The following IMMP2L variants were observed in gnomAD, a reference collection of about 807,000 sequenced individuals.
IMMP2L encodes the protein mitochondrial inner membrane protease subunit 2.
Under a neutral mutation model 19.3 loss-of-function variants are expected in IMMP2L, and 18 were observed. The observed-to-expected ratio is 0.93, with a 90% confidence interval of 0.64 to 1.38. The LOEUF is 1.38. Ranked by LOEUF, IMMP2L falls within the 40% of genes most tolerant of loss-of-function variation. The probability of loss-of-function intolerance (pLI) is 0.00; values close to 1 mark genes in which losing one functional copy is unlikely to be tolerated. For synonymous variants in IMMP2L, 76 were observed against 73.0 expected (o/e 1.04, Z -0.21); for missense variants, 233 against 218.2 (o/e 1.07, Z -0.43).
chr7:111,263,230 A>C (rs1244299593), intron 3 of IMMP2L, among the ~76,000 whole-genome samples: 2 of 152,144 alleles, frequency 1.3e-5, no homozygotes, highest in East Asian at 1.9e-4. Context: ...CTAGTTAGGA[A>C]GCTGTAATAA....
At chr7:111,217,218 T>C (rs538051712) in intron 3 of IMMP2L, among the ~76,000 whole-genome samples, 14 of 152,120 alleles carry the variant, frequency 9.2e-5, no homozygotes, top group African/African-American at 2.9e-4. Context: ...TTCTGCAATC[T>C]GTAGTAATTC....
chr7:111,298,382 T>C (rs1360595469), intron 3 of IMMP2L, among the ~76,000 whole-genome samples: 4 of 152,228 alleles, frequency 2.6e-5, no homozygotes, highest in African/African-American at 9.6e-5. Context: ...ATCCGATAAA[T>C]TAATGTTGCT....
At chr7:110,812,768 T>C (rs550988050) in intron 5 of IMMP2L, among the ~76,000 whole-genome samples, 18 of 152,156 alleles carry the variant, frequency 1.2e-4, no homozygotes, top group African/African-American at 4.3e-4. Context: ...TGAGATCTTA[T>C]TGTTTGCAAA....
intron 3 of IMMP2L, among the ~76,000 whole-genome samples, chr7:111,081,687 T>G (rs1452458278): frequency 6.6e-6 from 1 of 152,214 alleles, no homozygotes; most frequent in African/African-American, 2.4e-5. Context: ...TTGATACATC[T>G]CTCGTTTGCT....
chr7:111,372,675 T>C (rs748628068), intron 3 of IMMP2L, among the ~76,000 whole-genome samples: 3 of 152,030 alleles, frequency 2.0e-5, no homozygotes, highest in Middle Eastern at 3.4e-3. Context: ...ATGATGAGCA[T>C]GGTACAGGAT....
intron 5 of IMMP2L, among the ~76,000 whole-genome samples, chr7:110,864,571 G>A (rs1236110326): frequency 6.6e-6 from 1 of 152,012 alleles, no homozygotes; most frequent in Non-Finnish European, 1.5e-5. Context: ...GTTTTCTGTT[G>A]TTGTTATCAA....
At chr7:111,363,919 A>G (rs997658231) in intron 3 of IMMP2L, among the ~76,000 whole-genome samples, 2 of 151,848 alleles carry the variant, frequency 1.3e-5, no homozygotes, top group Non-Finnish European at 2.9e-5. Flanking sequence ...TCCATTCCCT[A>G]TTTATTGCCT....
chr7:111,447,798 G>A (rs1425658371), intron 3 of IMMP2L, among the ~76,000 whole-genome samples: 3 of 151,846 alleles, frequency 2.0e-5, no homozygotes, highest in Non-Finnish European at 4.4e-5. Flanking sequence ...TCAGTGTGCT[G>A]CATTCAGGAA....
chr7:111,304,069 C>T lies in IMMP2L; in HGVS notation c.239+183169G>A, dbSNP rs557153940. On this transcript the variant is annotated intron_variant, in intron 3 of 5. Coordinates refer to ENST00000405709, the MANE Select transcript of IMMP2L (RefSeq NM_032549.4). ...TTCCATATACTGTTAATTTCATACA[C>T]TAAAATGAATTGAAGAAACTAATTA... Among the ~76,000 whole-genome samples the T allele has an allele frequency of 2.4e-3, 360 of 152,136 alleles. 1 individual carries two copies. The highest frequency in any genetic ancestry group is 3.4e-3 in the Non-Finnish European group (228 of 67,962).
chr7:111,387,196 C>T (rs1278828858), intron 3 of IMMP2L, among the ~76,000 whole-genome samples: 1 of 152,096 alleles, frequency 6.6e-6, no homozygotes, highest in Non-Finnish European at 1.5e-5. Flanking sequence ...TTTTTTGTGA[C>T]ATAAAGTGCA....
At chr7:110,816,769 T>C (rs1377248491) in intron 5 of IMMP2L, among the ~76,000 whole-genome samples, 1 of 151,462 alleles carries the variant, frequency 6.6e-6, no homozygotes, top group Non-Finnish European at 1.5e-5. Flanking sequence ...GTCTGTTTTA[T>C]CAGAGACTAG....
At chr7:111,038,834 T>TA (rs1791604341) in intron 3 of IMMP2L, among the ~76,000 whole-genome samples, 1 of 152,216 alleles carries the variant, frequency 6.6e-6, no homozygotes, top group African/African-American at 2.4e-5. Flanking sequence ...AAACAGATTT[T>TA]AAAATCCAGG....
intron 5 of IMMP2L, among the ~76,000 whole-genome samples, chr7:110,669,052 C>CGTGTGT (rs1165734674): frequency 3.7e-4 from 24 of 65,270 alleles, no homozygotes; most frequent in African/African-American, 5.0e-4. Flanking sequence ...TGTGTGTGTG[C>CGTGTGT]GTGTGTGTGT....
At chr7:110,683,578 A>C (rs1792890345) in intron 5 of IMMP2L, among the ~76,000 whole-genome samples, 1 of 152,106 alleles carries the variant, frequency 6.6e-6, no homozygotes, top group Non-Finnish European at 1.5e-5. Context: ...AAACTATCAT[A>C]CAGATTTTTG....
chr7:111,476,178 C>T (rs1841709887), intron 3 of IMMP2L, among the ~76,000 whole-genome samples: 2 of 152,166 alleles, frequency 1.3e-5, no homozygotes, highest in Admixed American at 1.3e-4. Flanking sequence ...TGCAGGGTCA[C>T]TCAGCCAATT....
chr7:111,181,306 C>A (rs143027650), intron 3 of IMMP2L, among the ~76,000 whole-genome samples: 4 of 152,120 alleles, frequency 2.6e-5, no homozygotes, highest in African/African-American at 9.6e-5. Context: ...AAACACATAA[C>A]ATGAAACACG....
chr7:111,042,784 A>G (rs77512377), intron 3 of IMMP2L, among the ~76,000 whole-genome samples: 1,932 of 152,268 alleles, frequency 0.013, 43 homozygotes, highest in African/African-American at 0.044. Context: ...ACCTTTCTCC[A>G]TTCCTTCTAA....
intron 3 of IMMP2L, among the ~76,000 whole-genome samples, chr7:111,341,916 C>G (rs879459120): frequency 6.6e-6 from 1 of 152,058 alleles, no homozygotes; most frequent in Non-Finnish European, 1.5e-5. Context: ...TTTTGCTCTT[C>G]CACCACAAGA....
intron 3 of IMMP2L, among the ~76,000 whole-genome samples, chr7:111,295,635 G>C (rs1821549448): frequency 6.6e-6 from 1 of 151,776 alleles, no homozygotes; most frequent in African/African-American, 2.4e-5. Context: ...TCCAAATAAA[G>C]CCAACAAAAC....
Sources: allele counts gnomAD v4.1 joint callset (sites outside exome capture counted in the v4.1 genomes callset), GRCh38; gene constraint gnomAD v4.1.1; transcripts MANE v1.5; gene names NCBI Gene and HGNC (gene_info 2026-07-23, HGNC 2026-07-21).